Variants in ANKS1B observed in about 807,000 individuals in gnomAD.
ANKS1B encodes the protein ankyrin repeat and sterile alpha motif domain containing 1B.
In ANKS1B, 36 loss-of-function variants were observed where a neutral mutation model predicts 148.3. The observed-to-expected ratio is 0.24, with a 90% confidence interval of 0.19 to 0.32. The LOEUF (loss-of-function observed/expected upper bound fraction) is 0.32, where lower values mean the gene tolerates loss of function less well. ANKS1B is among the 10% of genes least tolerant of loss of function. The probability of loss-of-function intolerance (pLI) is 1.00; values close to 1 mark genes in which losing one functional copy is unlikely to be tolerated. For synonymous variants in ANKS1B, 542 were observed against 560.8 expected, an observed-to-expected ratio of 0.97 and a Z score of 0.47; for missense variants, 1,157 against 1,542.6, an observed-to-expected ratio of 0.75 and a Z score of 4.19.
intron 10 of ANKS1B, among the ~76,000 whole-genome samples, chr12:99,491,683 T>C (rs12320128): frequency 0.092 from 14,058 of 152,104 alleles, 1,405 homozygotes; most frequent in African/African-American, 0.25. Flanking sequence ...AGTGAGAACA[T>C]GCAGTATTTG....
intron 10 of ANKS1B, among the ~76,000 whole-genome samples, chr12:99,483,903 A>C (rs1479453653): frequency 6.6e-6 from 1 of 151,992 alleles, no homozygotes; most frequent in Non-Finnish European, 1.5e-5. Flanking sequence ...TCACCTGGTT[A>C]ATCTAGCTAA....
At chr12:99,287,847 G>A (rs1454412883) in intron 12 of ANKS1B, among the ~76,000 whole-genome samples, 5 of 152,060 alleles carry the variant, frequency 3.3e-5, no homozygotes, top group Admixed American at 3.3e-4. Context: ...CAGGCTATTT[G>A]AAAACACAGA....
chr12:98,893,326 C>A (rs1004033062), intron 17 of ANKS1B, among the ~76,000 whole-genome samples: 5 of 152,170 alleles, frequency 3.3e-5, no homozygotes, highest in Non-Finnish European at 7.3e-5. Context: ...GTCAACATTA[C>A]GGACTCGAAT....
chr12:98,859,798 A>C (rs1460140250), intron 17 of ANKS1B, among the ~76,000 whole-genome samples: 1 of 152,206 alleles, frequency 6.6e-6, no homozygotes, highest in Non-Finnish European at 1.5e-5. Context: ...AAAATGGGAA[A>C]GCTCTCTAAA....
intron 17 of ANKS1B, among the ~76,000 whole-genome samples, chr12:99,014,005 A>G (rs1228572112): frequency 6.6e-6 from 1 of 152,132 alleles, no homozygotes; most frequent in Admixed American, 6.5e-5. Context: ...ACAGAACTAG[A>G]AAAAAACTAT....
intron 9 of ANKS1B, among the ~76,000 whole-genome samples, chr12:99,551,858 A>G (rs1371520092): frequency 6.6e-6 from 1 of 152,078 alleles, no homozygotes; most frequent in Non-Finnish European, 1.5e-5. Context: ...TGAAAATCTG[A>G]GTATGTCCTG....
chr12:99,832,079 AAT>A (rs1205549078), intron 1 of ANKS1B, among the ~76,000 whole-genome samples: 2 of 152,218 alleles, frequency 1.3e-5, no homozygotes, highest in East Asian at 3.8e-4. Flanking sequence ...AATGGAGGCA[AAT>A]ATGTGAAGAA....
At chr12:99,575,009 A>G (rs1348987705) in intron 9 of ANKS1B, among the ~76,000 whole-genome samples, 4 of 152,112 alleles carry the variant, frequency 2.6e-5, no homozygotes, top group African/African-American at 9.7e-5. Flanking sequence ...ATTATCACCT[A>G]CATACGAAAT....
intron 14 of ANKS1B, among the ~76,000 whole-genome samples, chr12:99,243,054 A>T (rs1206649740): frequency 1.3e-5 from 2 of 152,242 alleles, no homozygotes; most frequent in Non-Finnish European, 2.9e-5. Flanking sequence ...GGATCTAATT[A>T]AACTAAAGAG....
chr12:98,747,529 T>C (rs2097921753), intron 26 of ANKS1B, among the ~76,000 whole-genome samples: 1 of 152,230 alleles, frequency 6.6e-6, no homozygotes. Context: ...GGAAAGGCAC[T>C]ATGGAGAATA....
chr12:99,448,385 C>A (rs553490900), intron 10 of ANKS1B, among the ~76,000 whole-genome samples: 1 of 152,198 alleles, frequency 6.6e-6, no homozygotes, highest in Admixed American at 6.5e-5. Context: ...TATATGAAAT[C>A]TAAACAAAGT....
chr12:99,822,453 C>G (rs529281009), intron 2 of ANKS1B, among the ~76,000 whole-genome samples: 3 of 152,282 alleles, frequency 2.0e-5, no homozygotes, highest in South Asian at 4.1e-4. Flanking sequence ...TCCCTACCCC[C>G]TCTAGTGGTC....
At chr12:99,434,635 T>C (rs1053041939) in intron 11 of ANKS1B, among the ~76,000 whole-genome samples, 1 of 152,156 alleles carries the variant, frequency 6.6e-6, no homozygotes, top group Non-Finnish European at 1.5e-5. Context: ...TTATATTAAA[T>C]GTCTATTTAA....
At chr12:98,949,146 G>A (rs563885330) in intron 17 of ANKS1B, among the ~76,000 whole-genome samples, 3 of 151,838 alleles carry the variant, frequency 2.0e-5, no homozygotes, top group Admixed American at 2.0e-4. Context: ...TAGAGTCAGG[G>A]TTTCACTGTG....
At chr12:99,342,198 T>C (rs561674378) in intron 12 of ANKS1B, among the ~76,000 whole-genome samples, 1 of 152,084 alleles carries the variant, frequency 6.6e-6, no homozygotes, top group South Asian at 2.1e-4. Context: ...AAAAGATATA[T>C]GAAAATAAGA....
At chr12:98,952,314 T>C (rs2099855275) in intron 17 of ANKS1B, among the ~76,000 whole-genome samples, 1 of 152,228 alleles carries the variant, frequency 6.6e-6, no homozygotes, top group Non-Finnish European at 1.5e-5. Flanking sequence ...AAACTGGCAC[T>C]GGAACCTTGG....
At chr12:99,385,520 G>C (rs2093825018) in intron 12 of ANKS1B, among the ~76,000 whole-genome samples, 1 of 152,118 alleles carries the variant, frequency 6.6e-6, no homozygotes, top group Non-Finnish European at 1.5e-5. Context: ...GCCTGAAAGG[G>C]AATATGCTAA....
intron 22 of ANKS1B, among the ~76,000 whole-genome samples, chr12:98,789,240 G>A (rs563250327): frequency 2.0e-5 from 3 of 152,260 alleles, no homozygotes; most frequent in South Asian, 4.1e-4. Context: ...CTACTCGGGA[G>A]GCTGAGGCAG....
intron 22 of ANKS1B, among the ~76,000 whole-genome samples, chr12:98,788,423 C>T (rs1446083672): frequency 1.3e-5 from 2 of 152,168 alleles, no homozygotes; most frequent in Admixed American, 6.5e-5. Flanking sequence ...GTTTCCCCCT[C>T]TAGACATCTT....
Sources: allele counts gnomAD v4.1 joint callset (sites outside exome capture counted in the v4.1 genomes callset), GRCh38; gene constraint gnomAD v4.1.1; transcripts MANE v1.5; gene names NCBI Gene and HGNC (gene_info 2026-07-23, HGNC 2026-07-21).